MUC13: variants seen among roughly 807,000 people sequenced by gnomAD.
The protein encoded by MUC13 is mucin 13, cell surface associated, also known as mucin-13.
MUC13 carries 32 observed loss-of-function variants against 48.3 expected under a neutral mutation model. That is an observed-to-expected ratio of 0.66 (90% CI 0.50 to 0.89). The LOEUF is 0.89. Ranked by LOEUF, MUC13 falls within the 40% of genes least tolerant of loss-of-function variation. The pLI is 0.00. For synonymous variants in MUC13, 199 were observed against 224.9 expected (o/e 0.88, Z 1.03); for missense variants, 571 against 622.8 (o/e 0.92, Z 0.88).
intron 10 of MUC13, among the ~76,000 whole-genome samples, chr3:124,909,713 CA>C (rs1240412061): frequency 6.6e-6 from 1 of 152,024 alleles, no homozygotes; most frequent in Non-Finnish European, 1.5e-5. Context: ...AACAACAACC[CA>C]GGGGGTTCAG....
Position 124,927,729 on chromosome 3 carries a change from C to G in MUC13, c.317G>C (p.Ser106Thr). 1.2e-6 allele frequency: 2 copies of G among 1,614,070 alleles called. No individual in the cohort carries two copies. Among genetic ancestry groups the G allele is most frequent in the Non-Finnish European group, 1.7e-6 (2 of 1,180,030 alleles). Residue 106 changes from serine to threonine, a missense_variant, in exon 2 of 12, where the codon AGT becomes ACT. By Grantham distance (58) the Ser-to-Thr change is moderately conservative (BLOSUM62 1). Coordinates refer to ENST00000616727, the MANE Select transcript of MUC13 (RefSeq NM_033049.4). ...STIPIPTAAD[S>T]ESTTNVNSLA... ...TGAATTTACATTTGTGGTTGACTCA[C>G]TGTCTGCAGCAGTAGGTATAGGAAT...
chr3:124,908,268 C>T lies in MUC13; in HGVS notation c.1418G>A (p.Gly473Asp). 6.2e-7 allele frequency: 1 copy of T among 1,614,204 alleles called. No homozygotes were observed. The highest frequency in any genetic ancestry group is 1.1e-5 in the South Asian group (1 of 91,076). ...DFQNLKLRST[G>D]FTNLGAEGSV... ...CCCTTCTGCTCCAAGATTGGTGAAG[C>T]CTGTCGACCGCAGTTTTAGATTTTG... is the stretch of plus-strand genomic sequence containing the variant. Residue 473 changes from glycine (G) to aspartate (D), a missense_variant, in exon 11 of 12, where the codon GGC becomes GAC. Coordinates refer to ENST00000616727, the MANE Select transcript of MUC13 (RefSeq NM_033049.4).
rs1483992242 is a variant in MUC13, at chr3:124,906,517, G to C, written c.*226C>G. The C allele has an allele frequency of 6.6e-6, 1 of 152,136 alleles. No homozygotes were observed. The highest frequency in any genetic ancestry group is 1.5e-5 in the Non-Finnish European group (1 of 68,034). The allele number at this position is 152,136 out of a possible 1,614,324, so 9.4% of individuals were successfully genotyped here. A position where few individuals can be genotyped will look rare whatever the true frequency, so the allele number is the denominator to read the frequency against. ...ACCACCTCTCTGACAAGCGCTAATA[G>C]CATCTACTACATTTAATGTCATAGA... is the stretch of plus-strand genomic sequence containing the variant. On this transcript the variant is annotated 3_prime_UTR_variant, in exon 12 of 12. Coordinates refer to ENST00000616727, the MANE Select transcript of MUC13 (RefSeq NM_033049.4).
intron 10 of MUC13, among the ~76,000 whole-genome samples, chr3:124,909,254 T>C (rs1935375512): frequency 6.6e-6 from 1 of 152,054 alleles, no homozygotes. Context: ...TGCCAAAATA[T>C]AAGATATGAA....
intron 5 of MUC13, among the ~76,000 whole-genome samples, chr3:124,918,299 T>G (rs1228419516): frequency 1.3e-5 from 2 of 152,212 alleles, no homozygotes; most frequent in Non-Finnish European, 2.9e-5. Context: ...GCATTTGCCC[T>G]GCACTGGCCC....
chr3:124,909,989 A>G (rs1935390870), intron 10 of MUC13, among the ~76,000 whole-genome samples: 1 of 152,218 alleles, frequency 6.6e-6, no homozygotes, highest in Non-Finnish European at 1.5e-5. Flanking sequence ...TTATATCTCA[A>G]AATGTTAGTT....
intron 1 of MUC13, among the ~76,000 whole-genome samples, chr3:124,930,041 T>G (rs1294919274): frequency 6.6e-6 from 1 of 152,192 alleles, no homozygotes; most frequent in Admixed American, 6.5e-5. Context: ...AGAAAAGGAC[T>G]TGGCAGACTG....
At chr3:124,917,145 T>G (rs1024764063) in intron 5 of MUC13, among the ~76,000 whole-genome samples, 2 of 152,106 alleles carry the variant, frequency 1.3e-5, no homozygotes, top group Non-Finnish European at 2.9e-5. Flanking sequence ...TCTCTCTCTC[T>G]AATCAGCACT....
In MUC13 at chr3:124,920,274, C is replaced by A; in HGVS notation, c.760G>T (p.Gly254Cys). 2.5e-6 allele frequency: 4 copies of A among 1,605,526 alleles called. No homozygotes were observed. Among genetic ancestry groups the A allele is most frequent in the Non-Finnish European group, 3.4e-6 (4 of 1,175,198 alleles). Reference protein sequence around the residue: ...EITSLFKDVFGTSVYGQTVIL... With the variant: ...EITSLFKDVFCTSVYGQTVIL... ...ACAGTCTGTCCATAAACAGATGTGCCAAATACATCTTTAAACTGTGGAGGA... is the reference window on the plus strand; with the variant it reads ...ACAGTCTGTCCATAAACAGATGTGCAAAATACATCTTTAAACTGTGGAGGA... The change falls in exon 5 of 12, where the codon GGC becomes TGC. Residue 254 changes from glycine (G) to cysteine (C), a missense_variant. By Grantham distance (159) the Gly-to-Cys change is radical (BLOSUM62 -3). Transcript: ENST00000616727.
intron 11 of MUC13, among the ~76,000 whole-genome samples, chr3:124,907,218 G>A (rs1293102837): frequency 2.0e-5 from 3 of 151,900 alleles, no homozygotes; most frequent in Admixed American, 6.6e-5. Flanking sequence ...ATTTGCCCAG[G>A]CTGGTCTCGA....
intron 6 of MUC13, among the ~76,000 whole-genome samples, chr3:124,915,112 G>A (rs1369894887): frequency 6.6e-6 from 1 of 152,180 alleles, no homozygotes; most frequent in Non-Finnish European, 1.5e-5. Flanking sequence ...AATAAGTTGT[G>A]GCTCAACAGA....
chr3:124,928,968 T>C (rs1380587600), intron 1 of MUC13, among the ~76,000 whole-genome samples: 1 of 152,240 alleles, frequency 6.6e-6, no homozygotes, highest in African/African-American at 2.4e-5. Flanking sequence ...AAGTGCTTAT[T>C]ATACTTCTTC....
chr3:124,922,027 G>A (rs913308640), intron 4 of MUC13, among the ~76,000 whole-genome samples, 170 bp downstream of exon 4: 1 of 152,208 alleles, frequency 6.6e-6, no homozygotes, highest in Admixed American at 6.5e-5. Flanking sequence ...TGGCACCGGT[G>A]GAGGCGCTCA....
intron 1 of MUC13, 140 bp from the exon 2 acceptor site, chr3:124,928,133 C>G: frequency 1.5e-6 from 1 of 659,188 alleles, no homozygotes; most frequent in Non-Finnish European, 2.4e-6. Context: ...CTAGATTGGT[C>G]ATAAACCCCT....
intron 9 of MUC13, among the ~76,000 whole-genome samples, chr3:124,911,416 T>C (rs567111366): frequency 5.9e-5 from 9 of 152,330 alleles, no homozygotes; most frequent in East Asian, 5.8e-4. Context: ...TTGAAAGCCC[T>C]GAAGAAAGAC....
intron 9 of MUC13, among the ~76,000 whole-genome samples, chr3:124,911,057 CT>C (rs1430958398): frequency 2.6e-5 from 4 of 152,150 alleles, no homozygotes; most frequent in Non-Finnish European, 5.9e-5. Flanking sequence ...ATTGCAAACA[CT>C]TCATGTGAAA....
chr3:124,920,035 C>A, intron 5 of MUC13, 199 bp downstream of exon 5: 1 of 625,958 alleles, frequency 1.6e-6, no homozygotes, highest in South Asian at 2.0e-5. Flanking sequence ...CCAGGCCATG[C>A]CCTGCCCAGA....
intron 7 of MUC13, 132 bp downstream of exon 7, chr3:124,913,430 A>G: frequency 1.3e-6 from 2 of 1,498,114 alleles, no homozygotes; most frequent in Middle Eastern, 1.8e-4. Context: ...CATGGTCCAT[A>G]TGTCTAAAGT....
At chr3:124,918,539 A>G (rs1278934499) in intron 5 of MUC13, among the ~76,000 whole-genome samples, 1 of 152,214 alleles carries the variant, frequency 6.6e-6, no homozygotes, top group Non-Finnish European at 1.5e-5. Context: ...GGCACTGCAT[A>G]CAGGGAATCT....
Sources: allele counts gnomAD v4.1 joint callset (sites outside exome capture counted in the v4.1 genomes callset), GRCh38; gene constraint gnomAD v4.1.1; transcripts MANE v1.5; gene names NCBI Gene and HGNC (gene_info 2026-07-23, HGNC 2026-07-21).